EPC2: variants seen among roughly 807,000 people sequenced by gnomAD.
EPC2 encodes the protein enhancer of polycomb homolog 2.
EPC2 carries 14 observed loss-of-function variants against 92.1 expected under a neutral mutation model. That is an observed-to-expected ratio of 0.15 (90% confidence interval 0.10 to 0.24). The LOEUF is 0.24. Among genes scored for constraint, EPC2 ranks in the 10% least tolerant of loss-of-function variants. The pLI, the probability that EPC2 is intolerant of heterozygous loss-of-function variation, is 1.00. For missense variants in EPC2, 755 were observed against 971.5 expected (o/e 0.78, Z 2.96); for synonymous variants, 340 against 334.7 (o/e 1.02, Z -0.17).
intron 1 of EPC2, among the ~76,000 whole-genome samples, chr2:148,656,597 TTCAG>T (rs1388796064): frequency 6.6e-6 from 1 of 152,210 alleles, no homozygotes; most frequent in Non-Finnish European, 1.5e-5. Context: ...TGTTTATTCA[TTCAG>T]TAACTTAGCC....
In EPC2 at chr2:148,757,020, A is replaced by G. The variant is rs552079725; in HGVS notation, c.666+2887A>G. Among the ~76,000 whole-genome samples the G allele has an allele frequency of 1.1e-4, 17 of 152,330 alleles. No individual in the cohort carries two copies. In the East Asian group the frequency reaches 3.3e-3, roughly 29 times the overall value. ...AAAGGGGGCAAGTGGATTTGAATAC[A>G]GGGAATAGGGCCGTCTTAGAAGAAT... On this transcript the variant is annotated intron_variant, in intron 4 of 13. Coordinates refer to ENST00000258484, the MANE Select transcript of EPC2 (RefSeq NM_015630.4).
At chr2:148,740,513 C>T (rs1682861802) in intron 2 of EPC2, among the ~76,000 whole-genome samples, 1 of 152,242 alleles carries the variant, frequency 6.6e-6, no homozygotes, top group Admixed American at 6.5e-5. Flanking sequence ...TGTCAGATCT[C>T]CTATCAATTC....
At chr2:148,730,828 A>G (rs758424996) in intron 2 of EPC2, among the ~76,000 whole-genome samples, 3 of 152,226 alleles carry the variant, frequency 2.0e-5, no homozygotes, top group Non-Finnish European at 2.9e-5. Context: ...TGAAAGTTAG[A>G]TATACAACAG....
At chr2:148,779,110 C>A (rs961369190) in intron 10 of EPC2, among the ~76,000 whole-genome samples, 13 of 151,790 alleles carry the variant, frequency 8.6e-5, no homozygotes, top group African/African-American at 3.1e-4. Context: ...TTAATGGTCT[C>A]AAGAAGACAG....
chr2:148,740,296 A>G (rs1682856922), intron 2 of EPC2, among the ~76,000 whole-genome samples: 1 of 151,392 alleles, frequency 6.6e-6, no homozygotes, highest in African/African-American at 2.4e-5. Flanking sequence ...CACTGCTTTT[A>G]AAGAATTTTT....
chr2:148,784,624 TTGA>T, intron 12 of EPC2, 41 bp from the exon 13 acceptor site: 1 of 1,330,240 alleles, frequency 7.5e-7, no homozygotes, highest in Non-Finnish European at 1.0e-6. Flanking sequence ...AATAGTTGTA[TTGA>T]TGTCTCATGA....
rs571908052 is a variant in EPC2 at position 148,756,295 on chromosome 2, G to C, written c.666+2162G>C. ...TTATTCCTTTCTGTTTTCAGTTGTG[G>C]GACCAAAGACGATTCCCTATCATGC... On this transcript the variant is annotated intron_variant, in intron 4 of 13. Coordinates refer to ENST00000258484, the MANE Select transcript of EPC2 (RefSeq NM_015630.4). Among the ~76,000 whole-genome samples the C allele has an allele frequency of 2.0e-5, 3 of 152,166 alleles. No individual in the cohort carries two copies. In the East Asian group the frequency reaches 5.8e-4, roughly 29 times the overall value.
At chr2:148,646,422 C>T (rs1275768148) in intron 1 of EPC2, among the ~76,000 whole-genome samples, 1 of 151,892 alleles carries the variant, frequency 6.6e-6, no homozygotes, top group Non-Finnish European at 1.5e-5. Flanking sequence ...TGCATATGGC[C>T]GTAGCATCGG....
At chr2:148,752,932 T>A (rs970099935) in intron 3 of EPC2, among the ~76,000 whole-genome samples, 2 of 152,162 alleles carry the variant, frequency 1.3e-5, no homozygotes, top group African/African-American at 4.8e-5. Flanking sequence ...AAACATTTCT[T>A]GGGAAATATC....
chr2:148,679,691 G>T (rs1021740265), intron 1 of EPC2, among the ~76,000 whole-genome samples: 1 of 152,126 alleles, frequency 6.6e-6, no homozygotes, highest in Non-Finnish European at 1.5e-5. Flanking sequence ...TATCTCCCAG[G>T]CTGGAGTGCC....
At chr2:148,670,225 G>T (rs13013424) in intron 1 of EPC2, among the ~76,000 whole-genome samples, 38,634 of 151,998 alleles carry the variant, frequency 0.25, 5,883 homozygotes, top group East Asian at 0.49. Flanking sequence ...CTCTTAAAGA[G>T]CACTGGCCTT....
At chr2:148,786,019 T>G (rs1413918005) in intron 13 of EPC2, among the ~76,000 whole-genome samples, 1 of 152,168 alleles carries the variant, frequency 6.6e-6, no homozygotes, top group Non-Finnish European at 1.5e-5. Context: ...TGTCCTGTGA[T>G]ACATATTTCA....
chr2:148,753,959 A>G lies in EPC2; in HGVS notation c.492A>G (p.Leu164=). The G allele has an allele frequency of 6.2e-7, 1 of 1,611,780 alleles. No individual in the cohort carries two copies. The highest frequency in any genetic ancestry group is 8.5e-7 in the Non-Finnish European group (1 of 1,178,918). ...CACTTCAAGAAGCAAAACTGCTGCT[A>G]AACGAAGATGATTACCTTATTAAAG... ...LVTLQEAKLL[L]NEDDYLIKAV... is the part of the protein sequence containing the mutation. Residue 164 remains leucine, a synonymous_variant, in exon 4 of 14, where the codon CTA becomes CTG. Coordinates refer to ENST00000258484, the MANE Select transcript of EPC2 (RefSeq NM_015630.4).
Position 148,769,098 on chromosome 2 carries a change from CATTG to C in EPC2, c.1141-50_1141-47del. The C allele has an allele frequency of 3.5e-6, 4 of 1,157,528 alleles. 1 individual carries two copies. Among genetic ancestry groups the C allele is most frequent in the Middle Eastern group, 3.8e-4 (2 of 5,220 alleles). 71.7% of individuals were successfully genotyped at this position (1,157,528 alleles called of 1,614,324 possible). A position where few individuals can be genotyped will look rare whatever the true frequency, so the allele number is the denominator to read the frequency against. On this transcript the variant is annotated intron_variant, in intron 7 of 13. Transcript: ENST00000258484. The stretch of plus-strand genomic sequence containing the variant: ...GATTTACATTTTAGAGTATTACAAA[CATTG>C]ATCTATTGACTTTTGATAACTTCTA...
chr2:148,701,697 T>G (rs1259945220), intron 2 of EPC2, among the ~76,000 whole-genome samples: 1 of 152,200 alleles, frequency 6.6e-6, no homozygotes, highest in Non-Finnish European at 1.5e-5. Flanking sequence ...TTTTCCTTTC[T>G]TGTAATATCT....
At chr2:148,663,935 C>G (rs532153714) in intron 1 of EPC2, among the ~76,000 whole-genome samples, 11 of 152,200 alleles carry the variant, frequency 7.2e-5, no homozygotes, top group African/African-American at 2.6e-4. Context: ...CTTGCTTGCC[C>G]TCTGCTCAAC....
chr2:148,703,754 C>T (rs1681934406), intron 2 of EPC2, among the ~76,000 whole-genome samples: 1 of 152,166 alleles, frequency 6.6e-6, no homozygotes, highest in African/African-American at 2.4e-5. Context: ...TGGTCTCAAA[C>T]ACCTTGGCTC....
chr2:148,771,483 C>G, intron 10 of EPC2, 96 bp downstream of exon 10: 1 of 1,190,454 alleles, frequency 8.4e-7, no homozygotes, highest in Non-Finnish European at 1.2e-6. Flanking sequence ...AATTTTTTTT[C>G]CAACCTAAGA....
Position 148,783,068 on chromosome 2 carries a change from A to G in EPC2, c.1858-529A>G, listed in dbSNP as rs898323189. Among the ~76,000 whole-genome samples, 4 of 152,198 alleles carry G rather than the reference A, an allele frequency of 2.6e-5. No individual in the cohort carries two copies. The East Asian group carries it at 5.8e-4, about 22-fold the overall frequency. The stretch of plus-strand genomic sequence containing the variant: ...CCTGTGACATCCAGGTGGATCTGGG[A>G]CTTGCTCAAGGACTAGGGCTGTAGG... On this transcript the variant is annotated intron_variant, in intron 11 of 13. Transcript: ENST00000258484.
Sources: gnomAD v4.1 joint callset for allele counts (sites outside exome capture counted in the v4.1 genomes callset) on GRCh38, gnomAD v4.1.1 for gene constraint, MANE v1.5 for transcripts, NCBI Gene and HGNC (gene_info 2026-07-23, HGNC 2026-07-21) for gene names.